Variants in SYMPK observed in about 807,000 individuals in gnomAD.
SYMPK encodes symplekin.
A neutral mutation model predicts 136.4 loss-of-function variants in SYMPK; 49 were observed. That is an observed-to-expected ratio of 0.36 (90% CI 0.29 to 0.46). The LOEUF (loss-of-function observed/expected upper bound fraction) is 0.46. Among genes scored for constraint, SYMPK ranks in the 20% least tolerant of loss-of-function variants. The probability of loss-of-function intolerance (pLI) is 1.00; values close to 1 mark genes in which losing one functional copy is unlikely to be tolerated. For missense variants in SYMPK, 1,365 were observed against 1,690.0 expected (o/e 0.81, Z 3.37); for synonymous variants, 766 against 713.0 (o/e 1.07, Z -1.19).
chr19:45,854,579 C>A, intron 1 of SYMPK, 72 bp from the exon 2 acceptor site: 1 of 1,270,480 alleles, frequency 7.9e-7, no homozygotes, highest in East Asian at 2.4e-5. Context: ...GATTGTCACC[C>A]GAACACCTAC....
chr19:45,840,733 C>A (rs1353880164), intron 9 of SYMPK, among the ~76,000 whole-genome samples: 1 of 151,368 alleles, frequency 6.6e-6, no homozygotes, highest in Non-Finnish European at 1.5e-5. Flanking sequence ...ATTCCAGTTA[C>A]TCAGGAAGCA....
At position 45,816,114 on chromosome 19, in the gene SYMPK, G is replaced by A; in HGVS notation, c.3424C>T (p.Arg1142Ter). ...PRPPQDLIGL[R>*]LAQEKALKRQ... ...TTTAAGGCCTTCTCCTGGGCCAGTC[G>A]CAGGCCGATGAGGTCCTGAGGGGGC... Residue 1142 changes from arginine to a stop codon, truncating the protein, a stop_gained, in exon 26 of 27, where the codon CGA becomes TGA. Coordinates refer to ENST00000245934, the MANE Select transcript of SYMPK (RefSeq NM_004819.3). LOFTEE classifies it high-confidence loss of function. The A allele has an allele frequency of 1.3e-6, 2 of 1,555,008 alleles. No homozygotes were observed. The highest frequency in any genetic ancestry group is 1.2e-5 in the South Asian group (1 of 84,730).
chr19:45,833,694 G>A (rs1005480781), intron 11 of SYMPK, among the ~76,000 whole-genome samples: 2 of 152,250 alleles, frequency 1.3e-5, no homozygotes, highest in Non-Finnish European at 2.9e-5. Context: ...GGAGTTCAAT[G>A]CCCTGAGGCA....
intron 1 of SYMPK, among the ~76,000 whole-genome samples, chr19:45,861,747 AAAAGGAGCCTAC>A (rs1417591637): frequency 1.3e-5 from 2 of 151,486 alleles, no homozygotes; most frequent in East Asian, 3.9e-4. Context: ...AAAAAAAAAA[AAAAGGAGCCTAC>A]ACAGGCCGAG....
At position 45,815,876 on chromosome 19, in the gene SYMPK, G is replaced by C. The variant is rs1259668044; in HGVS notation, c.3662C>G (p.Ser1221Cys). The C allele has an allele frequency of 6.2e-7, 1 of 1,611,738 alleles. No individual in the cohort carries two copies. Among genetic ancestry groups the C allele is most frequent in the African/African-American group, 1.3e-5 (1 of 74,726 alleles). Residue 1221 changes from serine (S) to cysteine (C), a missense_variant, in exon 26 of 27, where the codon TCT (serine) becomes TGT (cysteine). Ser to Cys is a moderately radical substitution (Grantham distance 112). Transcript: ENST00000245934. ...CTTGGGTAGGGGGCCCTCGAGACTA[G>C]AGTCCAACAGCGCGGCCTCGGTCAG... ...SGLTEAALLD[S>C]SLEGPLPKET...
At position 45,857,409 on chromosome 19, in the gene SYMPK, CAAAAAAAAA is replaced by C. The variant is rs1161033225; in HGVS notation, c.-12-2911_-12-2903del. ...TGGGCGACAGAGTGAGACTCTGTCT[CAAAAAAAAA>C]AAAAAAAAAAAAAAAACACACACTA... is the stretch of plus-strand genomic sequence containing the variant. On this transcript the variant is annotated intron_variant, in intron 1 of 26. Transcript: ENST00000245934. Among the ~76,000 whole-genome samples, 6 of 43,432 alleles carry C rather than the reference CAAAAAAAAA, an allele frequency of 1.4e-4. No homozygotes were observed. The East Asian group carries it at 5.7e-3, about 41-fold the overall frequency. The allele number at this position is 43,432 out of a possible 152,430, so 28.5% of individuals were successfully genotyped here. A position where few individuals can be genotyped will look rare whatever the true frequency, so the allele number is the denominator to read the frequency against.
At chr19:45,842,125 T>G in intron 9 of SYMPK, 125 bp downstream of exon 9, 1 of 1,451,196 alleles carries the variant, frequency 6.9e-7, no homozygotes, top group Non-Finnish European at 9.3e-7. Flanking sequence ...TGTGAGCCAC[T>G]GTGCCTGGCC....
intron 1 of SYMPK, 176 bp from the exon 2 acceptor site, chr19:45,854,683 T>C: frequency 1.0e-5 from 6 of 596,226 alleles, no homozygotes; most frequent in South Asian, 9.3e-5. Flanking sequence ...CTTATGGATA[T>C]GTGCACGGGG....
At chr19:45,852,616 G>A in intron 3 of SYMPK, 81 bp from the exon 4 acceptor site, 1 of 1,525,298 alleles carries the variant, frequency 6.6e-7, no homozygotes, top group Non-Finnish European at 9.1e-7. Context: ...GAGTAGAGGG[G>A]AAGACAGCAG....
Position 45,844,304 on chromosome 19 carries a change from T to A in SYMPK, c.677-104A>T. The A allele has an allele frequency of 6.9e-6, 6 of 866,028 alleles. No homozygotes were observed. In the South Asian group the frequency reaches 1.4e-4, roughly 20 times the overall value. The allele number at this position is 866,028 out of a possible 1,614,324, so 53.6% of individuals were successfully genotyped here. A position where few individuals can be genotyped will look rare whatever the true frequency, so the allele number is the denominator to read the frequency against. On this transcript the variant is annotated intron_variant, in intron 7 of 26. Coordinates refer to ENST00000245934, the MANE Select transcript of SYMPK (RefSeq NM_004819.3). ...GGAAGGACAGATCCTGGTACCTAGA[T>A]GTCTATGAATGGCGGGAAAAACAGA...
At chr19:45,827,969 C>G in intron 14 of SYMPK, 51 bp from the exon 15 acceptor site, 2 of 1,563,782 alleles carry the variant, frequency 1.3e-6, no homozygotes, top group South Asian at 1.1e-5. Flanking sequence ...GGCCGCCTGG[C>G]TCCCGGGCCC....
intron 20 of SYMPK, 81 bp from the exon 21 acceptor site, chr19:45,822,927 CG>C: frequency 1.6e-6 from 2 of 1,220,418 alleles, no homozygotes; most frequent in Non-Finnish European, 2.4e-6. Flanking sequence ...CCCTTCTGCT[CG>C]CCCTGGGGAG....
At chr19:45,828,132 T>G in intron 14 of SYMPK, 1 of 533,360 alleles carries the variant, frequency 1.9e-6, no homozygotes, top group Non-Finnish European at 3.4e-6. Context: ...TGAAACTCAT[T>G]TCTTCCGTTT....
intron 16 of SYMPK, among the ~76,000 whole-genome samples, chr19:45,826,744 C>T (rs990513650): frequency 1.3e-5 from 2 of 152,138 alleles, no homozygotes; most frequent in East Asian, 1.9e-4. Context: ...TGCCAGGAGC[C>T]GTGAGGGAAG....
At chr19:45,834,842 A>T (rs559919347) in intron 11 of SYMPK, among the ~76,000 whole-genome samples, 4 of 152,252 alleles carry the variant, frequency 2.6e-5, no homozygotes, top group African/African-American at 9.6e-5. Flanking sequence ...CCAAAGTCAT[A>T]CAGATATTAA....
intron 3 of SYMPK, 41 bp from the exon 4 acceptor site, chr19:45,852,576 A>T: frequency 3.7e-6 from 6 of 1,611,946 alleles, no homozygotes; most frequent in Non-Finnish European, 5.1e-6. Flanking sequence ...ATACCCATAT[A>T]AAACGAGGGG....
chr19:45,853,530 C>CA (rs1370676480), intron 3 of SYMPK, among the ~76,000 whole-genome samples: 2 of 151,394 alleles, frequency 1.3e-5, no homozygotes, highest in African/African-American at 2.4e-5. Flanking sequence ...CTCAGCTACT[C>CA]AAGAGGCTGA....
chr19:45,848,792 C>T lies in SYMPK; in HGVS notation c.384G>A (p.Lys128=). 6.2e-7 allele frequency: 1 copy of T among 1,613,988 alleles called. No homozygotes were observed. The highest frequency in any genetic ancestry group is 8.5e-7 in the Non-Finnish European group (1 of 1,180,034). The change falls in exon 6 of 27, where the codon AAG becomes AAA. Residue 128 remains lysine, a synonymous_variant. Coordinates refer to ENST00000245934, the MANE Select transcript of SYMPK (RefSeq NM_004819.3). ...AGAGCTGGGTCATGGTGAGGATAGC[C>T]TTCTTCACCACGTTCACATTCTCGT... ...LRDENVNVVK[K]AILTMTQLYK...
chr19:45,854,490 C>T lies in SYMPK; in HGVS notation c.6G>A (p.Ala2=). Residue 2 remains alanine (A), a synonymous_variant, in exon 2 of 27, where the codon GCG becomes GCA. Transcript: ENST00000245934. The part of the protein sequence containing the change: M[A]SGSGDSVTRR... The stretch of plus-strand genomic sequence containing the variant: ...GGGTGACGCTGTCTCCACTGCCGCT[C>T]GCCATGGCTGCTGTCAGCTTGTCCC... 6 of 1,613,688 alleles carry T rather than the reference C, an allele frequency of 3.7e-6. No homozygotes were observed. The highest frequency in any genetic ancestry group is 5.1e-6 in the Non-Finnish European group (6 of 1,179,976).
Sources: gnomAD v4.1 joint callset for allele counts (sites outside exome capture counted in the v4.1 genomes callset) on GRCh38, gnomAD v4.1.1 for gene constraint, MANE v1.5 for transcripts, NCBI Gene and HGNC (gene_info 2026-07-23, HGNC 2026-07-21) for gene names.